The following STK10 variants were observed in gnomAD, a reference collection of about 807,000 sequenced individuals.
The protein encoded by STK10 is serine/threonine-protein kinase 10.
Under a neutral mutation model 113.8 loss-of-function variants are expected in STK10, and 78 were observed. That is an observed-to-expected ratio of 0.69 (90% CI 0.57 to 0.83). The LOEUF is 0.83. STK10 is among the 40% of genes least tolerant of loss of function. The probability of loss-of-function intolerance (pLI) is 0.00; values close to 1 mark genes in which losing one functional copy is unlikely to be tolerated. For synonymous variants in STK10, 465 were observed against 494.7 expected, an observed-to-expected ratio of 0.94 and a Z score of 0.80; for missense variants, 1,109 against 1,280.1, an observed-to-expected ratio of 0.87 and a Z score of 2.04.
chr5:172,121,979 CCT>C (rs1769521016), intron 3 of STK10, among the ~76,000 whole-genome samples: 1 of 151,910 alleles, frequency 6.6e-6, no homozygotes, highest in South Asian at 2.1e-4. Context: ...GATTCTCCTG[CCT>C]CTCAGCCTCC....
intron 1 of STK10, among the ~76,000 whole-genome samples, chr5:172,184,737 C>T (rs1178177067): frequency 2.0e-5 from 3 of 152,134 alleles, no homozygotes; most frequent in Non-Finnish European, 2.9e-5. Context: ...CAGCAACCTC[C>T]GCCTCACGGG....
chr5:172,072,328 G>A (rs546992389), intron 12 of STK10, among the ~76,000 whole-genome samples: 8 of 151,880 alleles, frequency 5.3e-5, no homozygotes, highest in African/African-American at 1.7e-4. Context: ...GTGCAGTGGC[G>A]CAATCTCGGC....
At chr5:172,141,197 G>A (rs1257757445) in intron 2 of STK10, among the ~76,000 whole-genome samples, 2 of 151,566 alleles carry the variant, frequency 1.3e-5, no homozygotes, top group East Asian at 1.9e-4. Flanking sequence ...GTTGGACAAC[G>A]CTATAGCTAT....
At chr5:172,106,971 A>C in intron 5 of STK10, 157 bp from the exon 6 acceptor site, 1 of 656,164 alleles carries the variant, frequency 1.5e-6, no homozygotes, top group Non-Finnish European at 2.4e-6. Context: ...CTTCCTTAGG[A>C]CGCTCTTCCA....
intron 2 of STK10, among the ~76,000 whole-genome samples, chr5:172,142,622 CT>C (rs1769998861): frequency 6.6e-6 from 1 of 152,190 alleles, no homozygotes; most frequent in South Asian, 2.1e-4. Flanking sequence ...TAAAAAATGC[CT>C]GGACCTCATA....
intron 2 of STK10, among the ~76,000 whole-genome samples, chr5:172,150,460 A>G (rs1456339972): frequency 6.6e-5 from 10 of 151,446 alleles, no homozygotes; most frequent in Non-Finnish European, 1.5e-4. Context: ...CAGCCTGGGC[A>G]ACAAGAGCGA....
At chr5:172,106,559 A>C (rs1469277653) in intron 6 of STK10, 61 bp downstream of exon 6, 12 of 1,522,122 alleles carry the variant, frequency 7.9e-6, no homozygotes, top group Non-Finnish European at 9.7e-6. Flanking sequence ...CGTCCACCAC[A>C]TATTCCAGCC....
At chr5:172,117,040 A>G (rs1455308162) in intron 4 of STK10, among the ~76,000 whole-genome samples, 1 of 152,128 alleles carries the variant, frequency 6.6e-6, no homozygotes, top group Non-Finnish European at 1.5e-5. Context: ...GCATTTTGGG[A>G]GGCCAAGGCG....
At chr5:172,062,205 T>C (rs1767952899) in intron 13 of STK10, among the ~76,000 whole-genome samples, 1 of 152,154 alleles carries the variant, frequency 6.6e-6, no homozygotes, top group Non-Finnish European at 1.5e-5. Context: ...CTTCAACTCC[T>C]GGCCTCAAGT....
Position 172,156,680 on chromosome 5 carries a change from C to T in STK10, c.265G>A (p.Asp89Asn), listed in dbSNP as rs766536823. ...AGGAGCTTCACAATGTAGGGGTGGT[C>T]GCAGGTGGCCAGGATCTCAATCTCC... ...IVEIEILATCDHPYIVKLLGA... is the reference protein window; with the variant it reads ...IVEIEILATCNHPYIVKLLGA... The change falls in exon 2 of 19, where the codon GAC becomes AAC. Residue 89 changes from aspartate to asparagine, a missense_variant. Asp to Asn is a conservative substitution (Grantham distance 23). Around this residue, in one of 5 missense-constraint regions of STK10, gnomAD observed 120 missense variants for 134.8 expected, o/e 0.89. Transcript: ENST00000176763. The T allele has an allele frequency of 3.7e-6, 6 of 1,614,062 alleles. No homozygotes were observed. Among genetic ancestry groups the T allele is most frequent in the South Asian group, 2.2e-5 (2 of 91,080 alleles).
rs1462186039 is a variant in STK10 at position 172,087,623 on chromosome 5, A to ATTTAT, written c.1685+2608_1685+2609insATAAA. ...ATTTTTTAAATTTATTTACTTATTT[A>ATTTAT]TTTTTTTTTTTTTTTTGAGACGGAG... On this transcript the variant is annotated intron_variant, in intron 10 of 18. Coordinates refer to ENST00000176763, the MANE Select transcript of STK10 (RefSeq NM_005990.4). Among the ~76,000 whole-genome samples the ATTTAT allele has an allele frequency of 1.3e-4, 11 of 85,170 alleles. 1 individual carries two copies. The highest frequency in any genetic ancestry group is 6.4e-4 in the African/African-American group (11 of 17,200). The allele number at this position is 85,170 out of a possible 152,430, so 55.9% of individuals were successfully genotyped here. A position where few individuals can be genotyped will look rare whatever the true frequency, so the allele number is the denominator to read the frequency against.
chr5:172,140,953 A>G (rs969320446), intron 2 of STK10, among the ~76,000 whole-genome samples: 1 of 152,180 alleles, frequency 6.6e-6, no homozygotes, highest in African/African-American at 2.4e-5. Flanking sequence ...GAAATTCCGC[A>G]AAGTGAGACA....
At position 172,164,715 on chromosome 5, in the gene STK10, G is replaced by A. The variant is rs112295956; in HGVS notation, c.157-7927C>T. Among the ~76,000 whole-genome samples the A allele has an allele frequency of 5.1e-3, 783 of 152,308 alleles. 10 individuals are homozygous for A. The highest frequency in any genetic ancestry group is 0.018 in the African/African-American group (747 of 41,566). On this transcript the variant is annotated intron_variant, in intron 1 of 18. Coordinates refer to ENST00000176763, the MANE Select transcript of STK10 (RefSeq NM_005990.4). The stretch of plus-strand genomic sequence containing the variant: ...ATGCTCTGATGAGAGCCGTCTTAGG[G>A]AGTGGGTGAGTCTTGGAAAGCTAAG...
At chr5:172,139,857 G>A (rs1160717695) in intron 2 of STK10, among the ~76,000 whole-genome samples, 2 of 138,802 alleles carry the variant, frequency 1.4e-5, no homozygotes, top group African/African-American at 5.6e-5. Context: ...TCCTAACATC[G>A]ATCTTGGCAA....
At chr5:172,081,742 T>A (rs1768435557) in intron 12 of STK10, among the ~76,000 whole-genome samples, 1 of 152,192 alleles carries the variant, frequency 6.6e-6, no homozygotes. Context: ...CAGCCTGGAC[T>A]GGCGTTCCTG....
intron 2 of STK10, among the ~76,000 whole-genome samples, chr5:172,154,870 G>C (rs1043579427): frequency 6.6e-6 from 1 of 152,116 alleles, no homozygotes; most frequent in African/African-American, 2.4e-5. Flanking sequence ...ACAGAATGAA[G>C]ATTAAACCAC....
chr5:172,103,282 C>T (rs909052368), intron 7 of STK10, among the ~76,000 whole-genome samples: 6 of 152,222 alleles, frequency 3.9e-5, no homozygotes, highest in African/African-American at 9.7e-5. Context: ...GGAAAAGGCG[C>T]GTGGGTGAAG....
At chr5:172,124,480 C>T (rs1314476379) in intron 3 of STK10, among the ~76,000 whole-genome samples, 1 of 152,162 alleles carries the variant, frequency 6.6e-6, no homozygotes, top group Non-Finnish European at 1.5e-5. Flanking sequence ...AGAGAAGGCA[C>T]ACCCAAGAGC....
intron 12 of STK10, among the ~76,000 whole-genome samples, chr5:172,074,011 A>G (rs1460522770): frequency 6.6e-6 from 1 of 151,600 alleles, no homozygotes; most frequent in Non-Finnish European, 1.5e-5. Context: ...TATAAAATAT[A>G]TAGTGAATCT....
Sources: gnomAD v4.1 joint callset for allele counts (sites outside exome capture counted in the v4.1 genomes callset) on GRCh38, gnomAD v4.1.1 for gene constraint, gnomAD v4.1.1 regional missense constraint, MANE v1.5 for transcripts, NCBI Gene and HGNC (gene_info 2026-07-23, HGNC 2026-07-21) for gene names.